Variants in CRY2 observed in about 807,000 individuals in gnomAD.
CRY2 encodes cryptochrome-2.
CRY2 carries 31 observed loss-of-function variants against 69.5 expected under a neutral mutation model. The ratio of observed to expected loss-of-function variants is 0.45; its 90% CI spans 0.34 to 0.60. The LOEUF (loss-of-function observed/expected upper bound fraction) is 0.60, where lower values mean the gene tolerates loss of function less well. CRY2 is among the 20% of genes least tolerant of loss of function. CRY2 has a pLI of 0.02. For missense variants in CRY2, 606 were observed against 797.8 expected, an observed-to-expected ratio of 0.76 and a Z score of 2.90; for synonymous variants, 303 against 312.2, an observed-to-expected ratio of 0.97 and a Z score of 0.31.
chr11:45,854,204 TAGC>T (rs1255316881), intron 1 of CRY2, among the ~76,000 whole-genome samples: 1 of 152,198 alleles, frequency 6.6e-6, no homozygotes, highest in Non-Finnish European at 1.5e-5. Flanking sequence ...AAGGGGTAGA[TAGC>T]AGGTGCCTCA....
chr11:45,882,311 A>C lies in CRY2; in HGVS notation c.*1400A>C. On this transcript the variant is annotated 3_prime_UTR_variant, in exon 12 of 12. Transcript: ENST00000616080. ...GTGGTACGTGTGTGTGTGTGTGGCTATGAGGCTGATTCCTGTTTGGATTTT... is the reference window on the plus strand; with the variant it reads ...GTGGTACGTGTGTGTGTGTGTGGCTCTGAGGCTGATTCCTGTTTGGATTTT... 1 of 243,780 alleles carries C rather than the reference A, an allele frequency of 4.1e-6. No individual in the cohort carries two copies. The highest frequency in any genetic ancestry group is 7.8e-6 in the Non-Finnish European group (1 of 127,462). 15.1% of individuals were successfully genotyped at this position (243,780 alleles called of 1,614,324 possible). A position where few individuals can be genotyped will look rare whatever the true frequency, so the allele number is the denominator to read the frequency against.
intron 1 of CRY2, 33 bp downstream of exon 1, chr11:45,847,738 C>A: frequency 6.6e-7 from 1 of 1,522,036 alleles, no homozygotes. Context: ...GGCGGGGACG[C>A]AGCCAGGACC....
chr11:45,857,566 T>A lies in CRY2; in HGVS notation c.325-1165T>A, dbSNP rs188521307. ...CCCATACTAGGTATAAGGGTAATGA[T>A]GATGAGTGAGACAACATGGTTTCTG... On this transcript the variant is annotated intron_variant, in intron 2 of 11. Coordinates refer to ENST00000616080, the MANE Select transcript of CRY2 (RefSeq NM_021117.5). Among the ~76,000 whole-genome samples, 15 of 152,288 alleles carry A rather than the reference T, an allele frequency of 9.8e-5. No individual in the cohort carries two copies. In the East Asian group the frequency reaches 2.3e-3, roughly 23 times the overall value.
chr11:45,859,293 G>C (rs1295719311), intron 3 of CRY2, among the ~76,000 whole-genome samples: 1 of 152,114 alleles, frequency 6.6e-6, no homozygotes, highest in Non-Finnish European at 1.5e-5. Flanking sequence ...GAGTTCCTAG[G>C]CTGGGCATGC....
chr11:45,868,015 G>A, intron 6 of CRY2: 1 of 476,172 alleles, frequency 2.1e-6, no homozygotes, highest in Non-Finnish European at 3.8e-6. Context: ...CAGGCCTCAG[G>A]TGTGACCCTA....
intron 2 of CRY2, among the ~76,000 whole-genome samples, chr11:45,858,037 G>A (rs2086256233): frequency 1.3e-5 from 2 of 152,206 alleles, no homozygotes; most frequent in Admixed American, 6.5e-5. Flanking sequence ...TCTGTGGGTT[G>A]ACTGTACAAC....
At chr11:45,854,668 G>A (rs150917170) in intron 1 of CRY2, among the ~76,000 whole-genome samples, 57 of 152,208 alleles carry the variant, frequency 3.7e-4, no homozygotes, top group Admixed American at 2.3e-3. Context: ...CAGCCTGGGC[G>A]ACAGAGCGAG....
intron 5 of CRY2, among the ~76,000 whole-genome samples, chr11:45,864,251 T>C (rs1324413214): frequency 1.3e-5 from 2 of 152,174 alleles, no homozygotes; most frequent in Non-Finnish European, 2.9e-5. Flanking sequence ...GCCTGGATTC[T>C]TTCCCAGAAC....
At chr11:45,849,042 C>G (rs982314023) in intron 1 of CRY2, among the ~76,000 whole-genome samples, 1 of 152,206 alleles carries the variant, frequency 6.6e-6, no homozygotes, top group Admixed American at 6.5e-5. Flanking sequence ...AGACTTTGCC[C>G]TGCACCAGTC....
chr11:45,853,245 A>G (rs1399861105), intron 1 of CRY2, among the ~76,000 whole-genome samples: 2 of 152,202 alleles, frequency 1.3e-5, no homozygotes, highest in Non-Finnish European at 2.9e-5. Flanking sequence ...TGTATGTGAA[A>G]CAAGTAGAAT....
chr11:45,877,965 G>A (rs1008409004), intron 11 of CRY2, among the ~76,000 whole-genome samples: 1 of 152,186 alleles, frequency 6.6e-6, no homozygotes, highest in Non-Finnish European at 1.5e-5. Flanking sequence ...GGTGACTAGG[G>A]CTTATCTGAG....
At chr11:45,867,124 T>C (rs867170878) in intron 5 of CRY2, among the ~76,000 whole-genome samples, 5 of 152,124 alleles carry the variant, frequency 3.3e-5, no homozygotes, top group African/African-American at 7.2e-5. Context: ...CAGGAATGGA[T>C]TGGAAGTTTC....
intron 11 of CRY2, among the ~76,000 whole-genome samples, chr11:45,872,487 T>C (rs1407653471): frequency 6.6e-6 from 1 of 152,072 alleles, no homozygotes; most frequent in East Asian, 1.9e-4. Context: ...ATGTATGTAA[T>C]CCCAGCACTT....
At position 45,847,621 on chromosome 11, in the gene CRY2, T is replaced by C. The variant is rs779248960; in HGVS notation, c.131T>C (p.Val44Ala). Residue 44 changes from valine to alanine, a missense_variant, in exon 1 of 12, where the codon GTG (valine) becomes GCG (alanine). By Grantham distance (64) the Val-to-Ala change is moderately conservative (BLOSUM62 0). This residue lies in a region of CRY2 where 382 missense variants were observed against 508.9 expected (regional missense o/e 0.75). Transcript: ENST00000616080. The stretch of plus-strand genomic sequence containing the variant: ...GACAACCCGGCGTTGCTGGCGGCCG[T>C]GCGCGGGGCGCGCTGCGTGCGCTGC... ...LHDNPALLAA[V>A]RGARCVRCVY... The C allele has an allele frequency of 1.7e-5, 27 of 1,603,898 alleles. No individual in the cohort carries two copies. The South Asian group carries it at 2.8e-4, about 17-fold the overall frequency.
chr11:45,873,398 CTGA>C (rs1565063859), intron 11 of CRY2, among the ~76,000 whole-genome samples: 1 of 152,238 alleles, frequency 6.6e-6, no homozygotes, highest in African/African-American at 2.4e-5. Flanking sequence ...ATAGACATTG[CTGA>C]TGGACAGATG....
At chr11:45,847,765 C>G (rs2086163434) in intron 1 of CRY2, 60 bp downstream of exon 1, 1 of 1,482,050 alleles carries the variant, frequency 6.7e-7, no homozygotes, top group South Asian at 1.3e-5. Context: ...CTGGGGTGAC[C>G]GGCGAACAGC....
intron 6 of CRY2, 27 bp from the exon 7 acceptor site, chr11:45,869,479 T>G: frequency 6.3e-7 from 1 of 1,582,586 alleles, no homozygotes. Flanking sequence ...CGAGTGTTTG[T>G]ATCCATGTGC....
Position 45,856,104 on chromosome 11 carries a change from G to A in CRY2, c.324+14G>A. Reference sequence around the variant, plus strand: ...AGGCTGTTCAAGGTAAGCGTGCAGAGCCCCAGAGAAGACAGTGAGATTCTG... The same window carrying A: ...AGGCTGTTCAAGGTAAGCGTGCAGAACCCCAGAGAAGACAGTGAGATTCTG... On this transcript the variant is annotated intron_variant, in intron 2 of 11. Transcript: ENST00000616080. 1 of 1,595,024 alleles carries A rather than the reference G, an allele frequency of 6.3e-7. No individual in the cohort carries two copies. The highest frequency in any genetic ancestry group is 1.1e-5 in the South Asian group (1 of 90,646).
intron 6 of CRY2, 47 bp downstream of exon 6, chr11:45,867,799 G>A: frequency 6.2e-7 from 1 of 1,610,702 alleles, no homozygotes; most frequent in South Asian, 1.1e-5. Flanking sequence ...CCTGCAGCCA[G>A]GCCTTTTGGG....
Sources: allele counts gnomAD v4.1 joint callset (sites outside exome capture counted in the v4.1 genomes callset), GRCh38; gene constraint gnomAD v4.1.1; regional missense constraint gnomAD v4.1.1; transcripts MANE v1.5; gene names NCBI Gene and HGNC (gene_info 2026-07-23, HGNC 2026-07-21).